CACNB2: variants seen among roughly 807,000 people sequenced by gnomAD.
The protein encoded by CACNB2 is voltage-dependent L-type calcium channel subunit beta-2.
In CACNB2, 42 loss-of-function variants were observed where a neutral mutation model predicts 73.3. That is an observed-to-expected ratio of 0.57 (90% CI 0.45 to 0.74). CACNB2 has a LOEUF of 0.74. CACNB2 is among the 30% of genes least tolerant of loss of function. The pLI, the probability that CACNB2 is intolerant of heterozygous loss-of-function variation, is 0.00. For missense variants in CACNB2, 940 were observed against 853.0 expected (o/e 1.10, Z -1.27); for synonymous variants, 348 against 310.3 (o/e 1.12, Z -1.28).
At chr10:18,505,790 CA>C (rs2050456853) in intron 5 of CACNB2, among the ~76,000 whole-genome samples, 1 of 152,188 alleles carries the variant, frequency 6.6e-6, no homozygotes, top group African/African-American at 2.4e-5. Context: ...TGCAGTATAT[CA>C]TATCAAACTT....
intron 3 of CACNB2, among the ~76,000 whole-genome samples, chr10:18,487,875 G>T (rs1048763212): frequency 4.0e-5 from 6 of 151,686 alleles, no homozygotes; most frequent in Admixed American, 2.0e-4. Flanking sequence ...GACATACATG[G>T]TCTCATAGTT....
At chr10:18,417,794 A>G (rs573265761) in intron 3 of CACNB2, among the ~76,000 whole-genome samples, 1 of 152,226 alleles carries the variant, frequency 6.6e-6, no homozygotes, top group Non-Finnish European at 1.5e-5. Flanking sequence ...ATAATCAAAT[A>G]TCTAGGAAAT....
chr10:18,519,073 A>C, intron 9 of CACNB2, 105 bp downstream of exon 9: 1 of 888,194 alleles, frequency 1.1e-6, no homozygotes, highest in East Asian at 2.4e-5. Context: ...TCTGATGTCT[A>C]TATGATGACA....
At chr10:18,394,236 G>A (rs1274181215) in intron 2 of CACNB2, among the ~76,000 whole-genome samples, 3 of 152,196 alleles carry the variant, frequency 2.0e-5, no homozygotes, top group East Asian at 3.9e-4. Flanking sequence ...GGATTTCACC[G>A]TGAGCCACTG....
rs971369523 is a variant in CACNB2, at chr10:18,416,280, C to T, written c.333+14237C>T. The stretch of plus-strand genomic sequence containing the variant: ...GATTCATCTATGTTGTCCCATGTGA[C>T]AGAATTTCCTTCTTTTTCAAGGCTG... On this transcript the variant is annotated intron_variant, in intron 3 of 13. Transcript: ENST00000324631. Among the ~76,000 whole-genome samples the T allele has an allele frequency of 2.0e-5, 3 of 152,218 alleles. 1 individual carries two copies. Among genetic ancestry groups the T allele is most frequent in the Non-Finnish European group, 4.4e-5 (3 of 68,038 alleles).
At chr10:18,180,128 T>C (rs146990659) in intron 2 of CACNB2, among the ~76,000 whole-genome samples, 5 of 152,324 alleles carry the variant, frequency 3.3e-5, no homozygotes, top group African/African-American at 1.2e-4. Flanking sequence ...TATAAGACTG[T>C]AGTTTAGAAA....
chr10:18,420,072 A>G (rs1463892127), intron 3 of CACNB2, among the ~76,000 whole-genome samples: 1 of 152,172 alleles, frequency 6.6e-6, no homozygotes, highest in Non-Finnish European at 1.5e-5. Flanking sequence ...CCCCCTGGGA[A>G]TGTAACCCAG....
chr10:18,382,735 A>G (rs2043069776), intron 2 of CACNB2, among the ~76,000 whole-genome samples: 1 of 152,098 alleles, frequency 6.6e-6, no homozygotes, highest in South Asian at 2.1e-4. Context: ...CTTTTTATGG[A>G]TGCATAGCAT....
At chr10:18,347,183 T>G (rs2041494749) in intron 2 of CACNB2, among the ~76,000 whole-genome samples, 1 of 151,880 alleles carries the variant, frequency 6.6e-6, no homozygotes, top group African/African-American at 2.4e-5. Context: ...TTTTATTTTA[T>G]TTTTGAGACG....
Position 18,540,134 on chromosome 10 carries a change from T to G in CACNB2, c.*410T>G, listed in dbSNP as rs1226489473. 1 of 205,252 alleles carries G rather than the reference T, an allele frequency of 4.9e-6. No homozygotes were observed. The highest frequency in any genetic ancestry group is 2.4e-5 in the African/African-American group (1 of 42,384). The allele number at this position is 205,252 out of a possible 1,614,324, so 12.7% of individuals were successfully genotyped here. ...TTTTTAATACGTTAATACGCAGGCA[T>G]CTGATTTGCATATTCATTCATGGAC... is the stretch of plus-strand genomic sequence containing the variant. On this transcript the variant is annotated 3_prime_UTR_variant, in exon 14 of 14. Transcript: ENST00000324631.
chr10:18,535,469 C>A (rs1282729660), intron 11 of CACNB2, among the ~76,000 whole-genome samples: 2 of 151,930 alleles, frequency 1.3e-5, no homozygotes, highest in Non-Finnish European at 2.9e-5. Flanking sequence ...AAAAATGTAG[C>A]TATTTTTATT....
At chr10:18,398,500 T>A (rs1325188319) in intron 2 of CACNB2, among the ~76,000 whole-genome samples, 3 of 152,026 alleles carry the variant, frequency 2.0e-5, no homozygotes, top group African/African-American at 7.2e-5. Context: ...GAGACCCATC[T>A]CTACAAAAAA....
At position 18,536,241 on chromosome 10, in the gene CACNB2, AC is replaced by A. The variant is rs778602200; in HGVS notation, c.1302+47del. ...AGCATAATCCAGTTACAGAGATCAG[AC>A]CTTTTTTTTTTTTTTTTTTTTTTTT... On this transcript the variant is annotated intron_variant, in intron 12 of 13. Transcript: ENST00000324631. 1.2e-4 allele frequency: 35 copies of A among 281,402 alleles called. No homozygotes were observed. The East Asian group carries it at 1.5e-3, about 12-fold the overall frequency. The allele number at this position is 281,402 out of a possible 1,614,324, so 17.4% of individuals were successfully genotyped here.
At chr10:18,458,073 G>A (rs1030915364) in intron 3 of CACNB2, among the ~76,000 whole-genome samples, 2 of 152,174 alleles carry the variant, frequency 1.3e-5, no homozygotes, top group Non-Finnish European at 2.9e-5. Context: ...ATGATGCAGA[G>A]AAATCATTTA....
intron 2 of CACNB2, among the ~76,000 whole-genome samples, chr10:18,331,019 C>G (rs1407289915): frequency 6.8e-6 from 1 of 146,686 alleles, no homozygotes; most frequent in Non-Finnish European, 1.5e-5. Context: ...CCGAGTCTCA[C>G]TCTGTTGCCA....
At chr10:18,436,275 A>T (rs1476018908) in intron 3 of CACNB2, among the ~76,000 whole-genome samples, 4 of 152,334 alleles carry the variant, frequency 2.6e-5, no homozygotes. Context: ...GTTTCATTTC[A>T]ACTTTGAACA....
chr10:18,283,335 A>G (rs1008858174), intron 2 of CACNB2, among the ~76,000 whole-genome samples: 5 of 152,200 alleles, frequency 3.3e-5, no homozygotes, highest in African/African-American at 1.2e-4. Flanking sequence ...TACCCAAAGG[A>G]TTATACGTCA....
intron 2 of CACNB2, among the ~76,000 whole-genome samples, chr10:18,158,877 G>A (rs977023961): frequency 1.3e-5 from 2 of 152,140 alleles, no homozygotes; most frequent in African/African-American, 4.8e-5. Context: ...ATTCTTTGAT[G>A]CTGCCAAGGT....
chr10:18,250,119 A>G (rs2037030321), intron 2 of CACNB2, among the ~76,000 whole-genome samples: 1 of 152,198 alleles, frequency 6.6e-6, no homozygotes, highest in Non-Finnish European at 1.5e-5. Flanking sequence ...AACACTTTAG[A>G]CCAAGCCCTT....
Sources: gnomAD v4.1 joint callset for allele counts (sites outside exome capture counted in the v4.1 genomes callset) on GRCh38, gnomAD v4.1.1 for gene constraint, MANE v1.5 for transcripts, NCBI Gene and HGNC (gene_info 2026-07-23, HGNC 2026-07-21) for gene names.